EXD2: variants seen among roughly 807,000 people sequenced by gnomAD.
EXD2 encodes exonuclease 3'-5' domain containing 2.
A neutral mutation model predicts 62.5 loss-of-function variants in EXD2; 40 were observed. The ratio of observed to expected loss-of-function variants is 0.64; its 90% CI spans 0.50 to 0.83. EXD2 has a LOEUF of 0.83. Among genes scored for constraint, EXD2 ranks in the 40% least tolerant of loss-of-function variants. The pLI, the probability that EXD2 is intolerant of heterozygous loss-of-function variation, is 0.00. For synonymous variants in EXD2, 239 were observed against 291.9 expected, an observed-to-expected ratio of 0.82 and a Z score of 1.85; for missense variants, 671 against 761.8, an observed-to-expected ratio of 0.88 and a Z score of 1.40.
In EXD2 at chr14:69,200,047, C is replaced by T. The variant is rs534554558; in HGVS notation, c.-131-3870C>T. On this transcript the variant is annotated intron_variant, in intron 1 of 9. Coordinates refer to ENST00000685843, the MANE Select transcript of EXD2 (RefSeq NM_001193360.2). Reference sequence around the variant, plus strand: ...AACGCATTGTGCAGCAACGTTAGGACGGTTAGGATGGCTATGATGTCACTA... The same window carrying T: ...AACGCATTGTGCAGCAACGTTAGGATGGTTAGGATGGCTATGATGTCACTA... Among the ~76,000 whole-genome samples, 39 of 152,184 alleles carry T rather than the reference C, an allele frequency of 2.6e-4. No individual in the cohort carries two copies. In the Middle Eastern group the frequency reaches 0.02, roughly 80 times the overall value.
At chr14:69,228,613 G>A (rs535141965) in intron 3 of EXD2, among the ~76,000 whole-genome samples, 5 of 152,214 alleles carry the variant, frequency 3.3e-5, no homozygotes, top group East Asian at 3.9e-4. Flanking sequence ...TGGGGTTCTC[G>A]GTAACCTTTG....
chr14:69,201,047 C>T (rs575383649), intron 1 of EXD2, among the ~76,000 whole-genome samples: 294 of 149,830 alleles, frequency 2.0e-3, no homozygotes, highest in Middle Eastern at 3.5e-3. Context: ...GCACTCCAGC[C>T]GGAGTGACAA....
chr14:69,204,937 G>A (rs1175099308), intron 2 of EXD2, among the ~76,000 whole-genome samples: 1 of 152,170 alleles, frequency 6.6e-6, no homozygotes, highest in Non-Finnish European at 1.5e-5. Context: ...AGCCAGTTAA[G>A]GTTCCTGTTC....
chr14:69,238,688 G>A (rs192772198), intron 9 of EXD2, among the ~76,000 whole-genome samples: 1 of 151,358 alleles, frequency 6.6e-6, no homozygotes, highest in East Asian at 1.9e-4. Context: ...AGGCTGGAGT[G>A]CAGTGGCACT....
At chr14:69,196,823 A>G (rs886190706) in intron 1 of EXD2, among the ~76,000 whole-genome samples, 7 of 150,678 alleles carry the variant, frequency 4.6e-5, no homozygotes, top group East Asian at 1.9e-4. Flanking sequence ...GGGTCTCACT[A>G]TGTTGCCCAG....
chr14:69,233,740 C>T (rs1039537393), intron 5 of EXD2, among the ~76,000 whole-genome samples: 3 of 149,760 alleles, frequency 2.0e-5, no homozygotes, highest in South Asian at 2.1e-4. Flanking sequence ...CACACCCAGC[C>T]GAATTTTAGT....
chr14:69,239,194 A>G (rs149093708), intron 9 of EXD2: 1 of 152,270 alleles, frequency 6.6e-6, no homozygotes, highest in African/African-American at 2.4e-5. Context: ...ACATAGTTGA[A>G]TTCTTGTGAC....
At chr14:69,214,331 C>A (rs913332352) in intron 3 of EXD2, among the ~76,000 whole-genome samples, 7 of 152,094 alleles carry the variant, frequency 4.6e-5, no homozygotes, top group African/African-American at 1.7e-4. Flanking sequence ...TTTAAAATTT[C>A]TCTTTAAAGA....
At chr14:69,240,763 A>T in intron 9 of EXD2, 121 bp from the exon 10 acceptor site, 1 of 738,186 alleles carries the variant, frequency 1.4e-6, no homozygotes, top group South Asian at 1.8e-5. Context: ...CACCAAAGTA[A>T]CTAACCCTTT....
At chr14:69,207,822 G>A (rs745886682) in intron 2 of EXD2, among the ~76,000 whole-genome samples, 5 of 152,006 alleles carry the variant, frequency 3.3e-5, no homozygotes, top group Admixed American at 2.0e-4. Context: ...TTCCTGCACA[G>A]GATCATCAGC....
At chr14:69,192,959 A>G (rs1411827945) in intron 1 of EXD2, among the ~76,000 whole-genome samples, 1 of 152,026 alleles carries the variant, frequency 6.6e-6, no homozygotes, top group East Asian at 1.9e-4. Flanking sequence ...TTTCTCAAGG[A>G]TGGGTACCTG....
At position 69,243,755 on chromosome 14, in the gene EXD2, T is replaced by C. The variant is rs987490253; in HGVS notation, c.*2655T>C. On this transcript the variant is annotated 3_prime_UTR_variant, in exon 10 of 10. Transcript: ENST00000685843. ...TCACCTTTTAGGAATGAAATGCTTC[T>C]CTTTGACCCTTTAGCTCCAGTGTCC... is the stretch of plus-strand genomic sequence containing the variant. 7.9e-5 allele frequency: 12 copies of C among 152,184 alleles called. No homozygotes were observed. The highest frequency in any genetic ancestry group is 2.9e-4 in the African/African-American group (12 of 41,446). The allele number at this position is 152,184 out of a possible 1,614,324, so 9.4% of individuals were successfully genotyped here.
At chr14:69,208,000 G>T (rs142029739) in intron 2 of EXD2, among the ~76,000 whole-genome samples, 12 of 151,182 alleles carry the variant, frequency 7.9e-5, no homozygotes, top group Non-Finnish European at 1.5e-4. Context: ...CCAAGTTCCA[G>T]CTATTCTCCT....
chr14:69,234,684 T>C lies in EXD2; in HGVS notation c.718-16T>C. On this transcript the variant is annotated splice_polypyrimidine_tract_variant and intron_variant, in intron 5 of 9. Transcript: ENST00000685843. The stretch of plus-strand genomic sequence containing the variant: ...TTGCCTTCCAGATTCCACTGATCTC[T>C]GACTTTTCTCTTCAGGTAATTTATG... 3 of 1,593,342 alleles carry C rather than the reference T, an allele frequency of 1.9e-6. No homozygotes were observed. The highest frequency in any genetic ancestry group is 2.6e-6 in the Non-Finnish European group (3 of 1,170,738).
intron 2 of EXD2, among the ~76,000 whole-genome samples, chr14:69,206,455 C>A: frequency 2.1e-5 from 2 of 94,642 alleles, no homozygotes; most frequent in Non-Finnish European, 4.1e-5. Context: ...CACCCACCCA[C>A]TTTTTTTTTT....
chr14:69,211,085 C>T (rs2042790366), intron 3 of EXD2, among the ~76,000 whole-genome samples: 2 of 152,084 alleles, frequency 1.3e-5, no homozygotes, highest in Non-Finnish European at 2.9e-5. Flanking sequence ...TTGACTCTTC[C>T]TTTCATGAGA....
intron 5 of EXD2, among the ~76,000 whole-genome samples, chr14:69,232,377 T>C (rs760003219): frequency 6.6e-6 from 1 of 152,258 alleles, no homozygotes; most frequent in Admixed American, 6.5e-5. Context: ...CAAACTCATT[T>C]GAACTTAGGC....
At chr14:69,200,843 G>A (rs563385032) in intron 1 of EXD2, among the ~76,000 whole-genome samples, 2 of 152,234 alleles carry the variant, frequency 1.3e-5, no homozygotes, top group Admixed American at 6.5e-5. Context: ...GGAGGCCGAG[G>A]TGGGTGGATC....
At chr14:69,225,605 AC>A (rs2043331885) in intron 3 of EXD2, among the ~76,000 whole-genome samples, 1 of 152,144 alleles carries the variant, frequency 6.6e-6, no homozygotes, top group South Asian at 2.1e-4. Flanking sequence ...AATTTTAAAA[AC>A]CCTAGATTAA....
Sources: gnomAD v4.1 joint callset for allele counts (sites outside exome capture counted in the v4.1 genomes callset) on GRCh38, gnomAD v4.1.1 for gene constraint, MANE v1.5 for transcripts, NCBI Gene and HGNC (gene_info 2026-07-23, HGNC 2026-07-21) for gene names.